Variants in CCDC7 observed in about 807,000 individuals in gnomAD.
CCDC7 encodes the protein coiled-coil domain-containing protein 7.
Under a neutral mutation model 196.9 loss-of-function variants are expected in CCDC7, and 183 were observed. The ratio of observed to expected loss-of-function variants is 0.93; its 90% CI spans 0.82 to 1.05. CCDC7 has a LOEUF of 1.05. CCDC7 is among the 50% of genes least tolerant of loss of function. The probability of loss-of-function intolerance (pLI) is 0.00; values close to 1 mark genes in which losing one functional copy is unlikely to be tolerated. For synonymous variants in CCDC7, 525 were observed against 484.6 expected (o/e 1.08, Z -1.10); for missense variants, 1,540 against 1,482.2 (o/e 1.04, Z -0.64).
Position 32,805,147 on chromosome 10 carries a change from CA to C in CCDC7, c.3097+52del, listed in dbSNP as rs1349295440. ...ATATTTCTCATTTATTTTTCTCCTT[CA>C]AAGTTTAAGTGTGTATCCTTAATAG... On this transcript the variant is annotated intron_variant, in intron 30 of 41. Transcript: ENST00000639629. The C allele has an allele frequency of 2.3e-5, 32 of 1,387,064 alleles. 1 individual carries two copies. Among genetic ancestry groups the C allele is most frequent in the Non-Finnish European group, 3.2e-5 (31 of 978,356 alleles). 85.9% of individuals were successfully genotyped at this position (1,387,064 alleles called of 1,614,324 possible).
chr10:32,463,387 T>A (rs927629683), intron 5 of CCDC7, among the ~76,000 whole-genome samples: 1 of 152,226 alleles, frequency 6.6e-6, no homozygotes, highest in Non-Finnish European at 1.5e-5. Context: ...TACCATATTT[T>A]AAAAAATCAT....
At chr10:32,456,141 C>A in intron 2 of CCDC7, 110 bp from the exon 4 acceptor site, 2 of 1,005,890 alleles carry the variant, frequency 2.0e-6, no homozygotes, top group South Asian at 3.7e-5. Context: ...TTTGAAGGGA[C>A]ATAAATTACA....
At chr10:32,711,949 C>T (rs565518749) in intron 25 of CCDC7, among the ~76,000 whole-genome samples, 36 of 152,290 alleles carry the variant, frequency 2.4e-4, no homozygotes, top group African/African-American at 8.4e-4. Context: ...TTTATGCTCT[C>T]AGTATCCATC....
intron 28 of CCDC7, among the ~76,000 whole-genome samples, chr10:32,749,440 C>T (rs147545085): frequency 2.6e-5 from 4 of 151,814 alleles, no homozygotes; most frequent in African/African-American, 9.7e-5. Flanking sequence ...ATATGTATAC[C>T]ATAAGAGAAT....
intron 20 of CCDC7, among the ~76,000 whole-genome samples, chr10:32,638,657 T>G (rs895972501): frequency 6.6e-6 from 1 of 152,240 alleles, no homozygotes; most frequent in Non-Finnish European, 1.5e-5. Context: ...GATTTTTGCA[T>G]TGATGTTCAT....
At chr10:32,653,731 C>T (rs745585915) in intron 20 of CCDC7, among the ~76,000 whole-genome samples, 1 of 152,152 alleles carries the variant, frequency 6.6e-6, no homozygotes, top group East Asian at 1.9e-4. Context: ...CTCAAAAGCC[C>T]ATCTCAAATT....
Position 32,540,391 on chromosome 10 carries a change from T to G in CCDC7, c.994-2909T>G, listed in dbSNP as rs540651286. Among the ~76,000 whole-genome samples, 137 of 152,294 alleles carry G rather than the reference T, an allele frequency of 9.0e-4. 1 individual carries two copies. Among genetic ancestry groups the G allele is most frequent in the African/African-American group, 3.1e-3 (130 of 41,570 alleles). ...GTGCATGGTAAATTTTTCTCTGTCT[T>G]TTAATTTTGAGCCTATGATTGTCAT... On this transcript the variant is annotated intron_variant, in intron 11 of 41. Coordinates refer to ENST00000639629, the Ensembl canonical transcript of CCDC7.
chr10:32,774,817 A>T (rs2079728782), intron 28 of CCDC7, among the ~76,000 whole-genome samples: 2 of 152,164 alleles, frequency 1.3e-5, no homozygotes, highest in Admixed American at 1.3e-4. Flanking sequence ...GAACTTCTAA[A>T]TAATAAAGTG....
intron 19 of CCDC7, 40 bp from the exon 21 acceptor site, chr10:32,635,017 A>T (rs55696063): frequency 7.5e-6 from 3 of 397,492 alleles, no homozygotes; most frequent in Non-Finnish European, 1.3e-5. Flanking sequence ...ATTACTTGAC[A>T]TATACAGAAG....
intron 29 of CCDC7, among the ~76,000 whole-genome samples, chr10:32,789,756 G>A (rs1039064551): frequency 5.3e-5 from 8 of 152,076 alleles, no homozygotes; most frequent in African/African-American, 1.7e-4. Flanking sequence ...TGTTATCTTA[G>A]GAGTGGGTTT....
At chr10:32,766,396 G>T (rs1401421077) in intron 28 of CCDC7, among the ~76,000 whole-genome samples, 2 of 151,978 alleles carry the variant, frequency 1.3e-5, no homozygotes, top group Non-Finnish European at 2.9e-5. Flanking sequence ...ACAAGAGAAG[G>T]TTCTGCAACA....
intron 28 of CCDC7, among the ~76,000 whole-genome samples, chr10:32,751,558 G>C (rs1231816506): frequency 6.6e-6 from 1 of 152,116 alleles, no homozygotes; most frequent in African/African-American, 2.4e-5. Flanking sequence ...AGGCATATGT[G>C]ATATGAGATT....
At chr10:32,477,964 A>G (rs1387154437) in intron 8 of CCDC7, among the ~76,000 whole-genome samples, 5 of 152,312 alleles carry the variant, frequency 3.3e-5, no homozygotes, top group African/African-American at 1.2e-4. Flanking sequence ...CTTTCATTCT[A>G]TGAACTTGAA....
At chr10:32,606,620 A>G (rs2061584264) in intron 18 of CCDC7, among the ~76,000 whole-genome samples, 1 of 152,190 alleles carries the variant, frequency 6.6e-6, no homozygotes, top group South Asian at 2.1e-4. Context: ...AAAGGAGATT[A>G]TTTTGGAGCT....
intron 18 of CCDC7, among the ~76,000 whole-genome samples, chr10:32,617,621 C>G (rs1051918334): frequency 3.3e-5 from 5 of 151,668 alleles, no homozygotes; most frequent in Non-Finnish European, 4.4e-5. Context: ...GTATTGATTT[C>G]TAGTTTTATT....
intron 21 of CCDC7, among the ~76,000 whole-genome samples, chr10:32,673,343 G>T (rs1403665541): frequency 6.6e-6 from 1 of 151,886 alleles, no homozygotes; most frequent in Admixed American, 6.6e-5. Flanking sequence ...TTGGTATTTT[G>T]ATAGGAATTG....
chr10:32,871,614 G>T (rs1310770077), intron 41 of CCDC7, among the ~76,000 whole-genome samples: 2 of 151,884 alleles, frequency 1.3e-5, no homozygotes, highest in Non-Finnish European at 2.9e-5. Flanking sequence ...ATTCTGCTCT[G>T]ATCTTAGTTG....
At chr10:32,606,431 C>T (rs1182901723) in intron 18 of CCDC7, among the ~76,000 whole-genome samples, 2 of 152,174 alleles carry the variant, frequency 1.3e-5, no homozygotes, top group African/African-American at 4.8e-5. Context: ...CTCCAGACCC[C>T]CAAAATGGTA....
intron 16 of CCDC7, among the ~76,000 whole-genome samples, chr10:32,572,502 G>A (rs545126797): frequency 6.6e-6 from 1 of 152,210 alleles, no homozygotes; most frequent in African/African-American, 2.4e-5. Context: ...ATAGACCCAG[G>A]TGAATTAGCA....
Sources: gnomAD v4.1 joint callset for allele counts (sites outside exome capture counted in the v4.1 genomes callset) on GRCh38, gnomAD v4.1.1 for gene constraint, MANE v1.5 for transcripts, NCBI Gene and HGNC (gene_info 2026-07-23, HGNC 2026-07-21) for gene names.